Variants in GNB1L observed in about 807,000 individuals in gnomAD.
GNB1L encodes the protein guanine nucleotide-binding protein subunit beta-like protein 1.
Under a neutral mutation model 29.1 loss-of-function variants are expected in GNB1L, and 20 were observed. The observed-to-expected ratio is 0.69, with a 90% confidence interval of 0.48 to 1.00. The LOEUF (loss-of-function observed/expected upper bound fraction) is 1.00, where lower values mean the gene tolerates loss of function less well. GNB1L is among the 50% of genes least tolerant of loss of function. The pLI, the probability that GNB1L is intolerant of heterozygous loss-of-function variation, is 0.00. For missense variants in GNB1L, 421 were observed against 464.9 expected, an observed-to-expected ratio of 0.91 and a Z score of 0.87; for synonymous variants, 193 against 206.5, an observed-to-expected ratio of 0.93 and a Z score of 0.56.
intron 2 of GNB1L, among the ~76,000 whole-genome samples, chr22:19,826,557 T>C (rs903046122): frequency 6.6e-6 from 1 of 151,962 alleles, no homozygotes; most frequent in African/African-American, 2.4e-5. Context: ...CAACTACAAG[T>C]AGAGAGCAAG....
intron 2 of GNB1L, among the ~76,000 whole-genome samples, chr22:19,824,735 C>T (rs1344378554): frequency 1.3e-5 from 2 of 152,230 alleles, no homozygotes; most frequent in Non-Finnish European, 2.9e-5. Context: ...TCCACAGACA[C>T]CCCACTCAAG....
At chr22:19,846,729 T>C in intron 2 of GNB1L, 1 of 361,422 alleles carries the variant, frequency 2.8e-6, no homozygotes, top group Non-Finnish European at 3.9e-6. Flanking sequence ...TATGAGAGAT[T>C]AGGACACAGA....
intron 5 of GNB1L, among the ~76,000 whole-genome samples, chr22:19,807,038 C>G (rs1242876170): frequency 6.6e-6 from 1 of 151,142 alleles, no homozygotes; most frequent in Admixed American, 6.6e-5. Flanking sequence ...CAGAGCCCAC[C>G]GATTCTCTCT....
chr22:19,827,117 G>A, intron 2 of GNB1L, among the ~76,000 whole-genome samples: 1 of 152,078 alleles, frequency 6.6e-6, no homozygotes, highest in Non-Finnish European at 1.5e-5. Flanking sequence ...ATCTGAATAT[G>A]GACTACAGAT....
At chr22:19,837,504 C>T (rs1232153917) in intron 2 of GNB1L, among the ~76,000 whole-genome samples, 1 of 152,150 alleles carries the variant, frequency 6.6e-6, no homozygotes, top group Non-Finnish European at 1.5e-5. Context: ...CATCTTTAGT[C>T]GCTAGGAAAA....
At chr22:19,848,723 A>G (rs1006515037) in intron 2 of GNB1L, 2 of 985,520 alleles carry the variant, frequency 2.0e-6, no homozygotes, top group Non-Finnish European at 2.4e-6. Context: ...ACGGCAGACC[A>G]TAACTCACAC....
rs746545339 is a variant in GNB1L, at chr22:19,820,750, T to C, written c.129-27A>G. ...TGTTTCAGACAAGCCGAGCAGGGTG[T>C]CAGGGGGCAGAAGGGTGTGCTGAAT... is the stretch of plus-strand genomic sequence containing the variant. On this transcript the variant is annotated intron_variant, in intron 3 of 7. Coordinates refer to ENST00000329517, the MANE Select transcript of GNB1L (RefSeq NM_053004.3). 5 of 1,599,088 alleles carry C rather than the reference T, an allele frequency of 3.1e-6. No individual in the cohort carries two copies. The South Asian group carries it at 4.4e-5, about 14-fold the overall frequency.
chr22:19,835,143 A>G (rs960671014), intron 2 of GNB1L, among the ~76,000 whole-genome samples: 2 of 152,200 alleles, frequency 1.3e-5, no homozygotes, highest in Admixed American at 6.5e-5. Context: ...GAAAGTAGAA[A>G]TAGATAACTA....
At chr22:19,851,768 G>A (rs770358573) in intron 2 of GNB1L, 1 of 1,612,462 alleles carries the variant, frequency 6.2e-7, no homozygotes, top group Admixed American at 1.7e-5. Context: ...GTAATCGTCA[G>A]GCAGGGGCAG....
At chr22:19,803,719 G>T (rs965802012) in intron 6 of GNB1L, among the ~76,000 whole-genome samples, 1 of 150,904 alleles carries the variant, frequency 6.6e-6, no homozygotes. Flanking sequence ...AGTGGGTGAG[G>T]GCCAGGCGAG....
At chr22:19,802,751 C>T (rs1425861603) in intron 6 of GNB1L, among the ~76,000 whole-genome samples, 1 of 152,240 alleles carries the variant, frequency 6.6e-6, no homozygotes, top group Non-Finnish European at 1.5e-5. Flanking sequence ...AAAATGAACT[C>T]TCTGTGCTTT....
intron 2 of GNB1L, among the ~76,000 whole-genome samples, chr22:19,832,193 G>A (rs1231682047): frequency 6.6e-6 from 1 of 152,028 alleles, no homozygotes; most frequent in Non-Finnish European, 1.5e-5. Context: ...TAGCTGGGCT[G>A]ATAGCGTGTG....
At chr22:19,848,797 C>A in intron 2 of GNB1L, 2 of 985,474 alleles carry the variant, frequency 2.0e-6, no homozygotes. Flanking sequence ...GGACAGGGTT[C>A]AAAAGAGAAG....
chr22:19,796,286 G>T (rs1414337263), intron 7 of GNB1L, among the ~76,000 whole-genome samples: 1 of 152,188 alleles, frequency 6.6e-6, no homozygotes, highest in Admixed American at 6.5e-5. Flanking sequence ...CAGCAAAAGG[G>T]AACAGGACAG....
At chr22:19,795,231 C>T (rs1937293139) in intron 7 of GNB1L, among the ~76,000 whole-genome samples, 2 of 152,180 alleles carry the variant, frequency 1.3e-5, no homozygotes, top group African/African-American at 4.8e-5. Flanking sequence ...CCTATACACC[C>T]ACACTGAGCC....
intron 2 of GNB1L, chr22:19,851,841 C>T (rs776184901): frequency 2.5e-5 from 41 of 1,613,864 alleles, no homozygotes; most frequent in East Asian, 2.0e-4. Flanking sequence ...CTGAGGATCT[C>T]GCAGACACGG....
At chr22:19,827,996 G>C (rs1192707295) in intron 2 of GNB1L, among the ~76,000 whole-genome samples, 1 of 152,174 alleles carries the variant, frequency 6.6e-6, no homozygotes, top group Non-Finnish European at 1.5e-5. Context: ...AACTGAAAAT[G>C]AATCAACTCC....
chr22:19,810,197 C>T (rs1301867320), intron 5 of GNB1L, among the ~76,000 whole-genome samples: 1 of 152,166 alleles, frequency 6.6e-6, no homozygotes, highest in Non-Finnish European at 1.5e-5. Flanking sequence ...CACACCTGTG[C>T]CTCTGTGGGG....
chr22:19,853,214 A>G (rs1416600429), intron 2 of GNB1L, among the ~76,000 whole-genome samples: 2 of 152,020 alleles, frequency 1.3e-5, no homozygotes, highest in African/African-American at 4.8e-5. Flanking sequence ...CAGCCACAGC[A>G]GAGCATCCCA....
Sources: gnomAD v4.1 joint callset for allele counts (sites outside exome capture counted in the v4.1 genomes callset) on GRCh38, gnomAD v4.1.1 for gene constraint, MANE v1.5 for transcripts, NCBI Gene and HGNC (gene_info 2026-07-23, HGNC 2026-07-21) for gene names.